FRMD5: variants seen among roughly 807,000 people sequenced by gnomAD.
The protein encoded by FRMD5 is FERM domain-containing protein 5.
FRMD5 carries 20 observed loss-of-function variants against 69.0 expected under a neutral mutation model. That is an observed-to-expected ratio of 0.29 (90% confidence interval 0.20 to 0.42). The LOEUF (loss-of-function observed/expected upper bound fraction) is 0.42, where lower values mean the gene tolerates loss of function less well. FRMD5 is among the 10% of genes least tolerant of loss of function. The pLI, the probability that FRMD5 is intolerant of heterozygous loss-of-function variation, is 1.00. For synonymous variants in FRMD5, 271 were observed against 260.1 expected (o/e 1.04, Z -0.40); for missense variants, 595 against 708.6 (o/e 0.84, Z 1.82).
intron 1 of FRMD5, among the ~76,000 whole-genome samples, chr15:44,133,530 C>G (rs543159664): frequency 1.1e-4 from 16 of 142,352 alleles, no homozygotes; most frequent in African/African-American, 3.9e-4. Context: ...GAGCTGAGAT[C>G]GCACCACTGC....
chr15:43,926,645 C>T (rs908432173), intron 1 of FRMD5, among the ~76,000 whole-genome samples: 1 of 152,050 alleles, frequency 6.6e-6, no homozygotes, highest in Middle Eastern at 3.4e-3. Flanking sequence ...CTTGCAGGAG[C>T]TGGAAGAATA....
At chr15:44,093,765 G>T (rs2076510567) in intron 1 of FRMD5, among the ~76,000 whole-genome samples, 1 of 151,706 alleles carries the variant, frequency 6.6e-6, no homozygotes, top group Non-Finnish European at 1.5e-5. Flanking sequence ...GTAGAGACGG[G>T]GTTTCACCAT....
intron 1 of FRMD5, among the ~76,000 whole-genome samples, chr15:43,952,166 G>A (rs1457443625): frequency 6.6e-6 from 1 of 152,054 alleles, no homozygotes; most frequent in East Asian, 1.9e-4. Context: ...TCCTCACCAG[G>A]TGGGAAAATC....
intron 2 of FRMD5, among the ~76,000 whole-genome samples, chr15:43,920,101 T>C (rs915842811): frequency 6.6e-6 from 1 of 152,244 alleles, no homozygotes; most frequent in Admixed American, 6.5e-5. Context: ...GTTTTTGGCA[T>C]GCGATTAAGG....
chr15:44,132,609 C>G (rs964879687), intron 1 of FRMD5, among the ~76,000 whole-genome samples: 2 of 151,802 alleles, frequency 1.3e-5, no homozygotes, highest in African/African-American at 4.8e-5. Flanking sequence ...TTCTATTTTT[C>G]GTAGAGACAG....
intron 8 of FRMD5, among the ~76,000 whole-genome samples, chr15:43,891,116 G>T (rs912037699): frequency 1.1e-4 from 16 of 152,336 alleles, no homozygotes; most frequent in Admixed American, 5.2e-4. Flanking sequence ...TGAGGCCCAG[G>T]AAGGTACAGA....
At chr15:44,045,054 C>G (rs961065065) in intron 1 of FRMD5, among the ~76,000 whole-genome samples, 1 of 152,206 alleles carries the variant, frequency 6.6e-6, no homozygotes, top group South Asian at 2.1e-4. Context: ...ATAACTCACA[C>G]TATAATTCAG....
chr15:43,959,527 A>C (rs766097761), intron 1 of FRMD5, among the ~76,000 whole-genome samples: 2 of 152,232 alleles, frequency 1.3e-5, no homozygotes, highest in Non-Finnish European at 2.9e-5. Context: ...CAACTATAGA[A>C]GTCAGGTGAG....
At position 44,034,772 on chromosome 15, in the gene FRMD5, A is replaced by AG. The variant is rs138055912; in HGVS notation, c.103-110464dup. ...TGGGCAGTCTGAAACTTGGGAGCTG[A>AG]GGGGGGAAGAGAAGAGTTAAGAAGC... On this transcript the variant is annotated intron_variant, in intron 1 of 13. Transcript: ENST00000417257. Among the ~76,000 whole-genome samples the AG allele has an allele frequency of 2.4e-3, 359 of 152,240 alleles. 7 individuals carry two copies. In the East Asian group the frequency reaches 0.059, roughly 25 times the overall value.
chr15:43,898,256 T>TTGTGTTACCCAGTACCTTTGGGCATTAC (rs1413375139), intron 7 of FRMD5, among the ~76,000 whole-genome samples: 18 of 152,290 alleles, frequency 1.2e-4, no homozygotes, highest in South Asian at 4.1e-4. Context: ...AGCCTCAGTA[T>TTGTGTTACCCAGTACCTTTGGGCATTAC]TGTGTTACCC....
intron 4 of FRMD5, among the ~76,000 whole-genome samples, chr15:43,918,039 G>A (rs1474702571): frequency 6.6e-6 from 1 of 152,192 alleles, no homozygotes; most frequent in Non-Finnish European, 1.5e-5. Context: ...GATAATGCCT[G>A]CTTCTTGGCC....
chr15:43,965,762 G>A (rs1468359111), intron 1 of FRMD5, among the ~76,000 whole-genome samples: 2 of 151,650 alleles, frequency 1.3e-5, no homozygotes, highest in East Asian at 2.0e-4. Context: ...TGTACTTTTA[G>A]TAGAGACGAG....
intron 1 of FRMD5, among the ~76,000 whole-genome samples, chr15:44,000,910 C>A (rs575737134): frequency 2.6e-4 from 39 of 152,270 alleles, no homozygotes; most frequent in African/African-American, 9.4e-4. Flanking sequence ...ACCTCCTGGG[C>A]TCAAGCAATC....
chr15:43,893,932 GTA>G (rs1234344419), intron 7 of FRMD5, among the ~76,000 whole-genome samples: 7 of 152,192 alleles, frequency 4.6e-5, no homozygotes, highest in African/African-American at 1.7e-4. Flanking sequence ...TAAACTAAGT[GTA>G]TGTTTGGCAA....
At chr15:43,933,480 C>T (rs772613249) in intron 1 of FRMD5, among the ~76,000 whole-genome samples, 3 of 152,148 alleles carry the variant, frequency 2.0e-5, no homozygotes, top group Non-Finnish European at 4.4e-5. Context: ...CTAACAAGTT[C>T]CCAGGTGATG....
chr15:44,112,404 T>TA (rs1000278651), intron 1 of FRMD5, among the ~76,000 whole-genome samples: 4 of 151,960 alleles, frequency 2.6e-5, no homozygotes, highest in African/African-American at 9.7e-5. Context: ...TTCTAATTTT[T>TA]AAAAAATACT....
intron 1 of FRMD5, among the ~76,000 whole-genome samples, chr15:44,038,520 C>CTGTTTTTTTTTTT (rs1892026516): frequency 1.6e-5 from 1 of 63,194 alleles, no homozygotes; most frequent in Non-Finnish European, 2.8e-5. Context: ...CTAGCCAGAG[C>CTGTTTTTTTTTTT]TTTTTTTTTT....
chr15:43,993,581 G>A (rs980672535), intron 1 of FRMD5, among the ~76,000 whole-genome samples: 3 of 152,188 alleles, frequency 2.0e-5, no homozygotes, highest in African/African-American at 7.2e-5. Context: ...TTCTGTATAT[G>A]TCTGTTAGGT....
At chr15:44,140,013 C>T (rs1436171131) in intron 1 of FRMD5, among the ~76,000 whole-genome samples, 1 of 151,848 alleles carries the variant, frequency 6.6e-6, no homozygotes, top group African/African-American at 2.4e-5. Context: ...TACATATATA[C>T]ACATAAATAT....
Sources: gnomAD v4.1 joint callset for allele counts (sites outside exome capture counted in the v4.1 genomes callset) on GRCh38, gnomAD v4.1.1 for gene constraint, MANE v1.5 for transcripts, NCBI Gene and HGNC (gene_info 2026-07-23, HGNC 2026-07-21) for gene names.